The following SMYD3 variants were observed in gnomAD, a reference collection of about 807,000 sequenced individuals.
SMYD3 encodes SET and MYND domain containing 3.
A neutral mutation model predicts 57.7 loss-of-function variants in SMYD3; 36 were observed. The observed-to-expected ratio is 0.62, with a 90% CI of 0.48 to 0.82. The LOEUF (loss-of-function observed/expected upper bound fraction) is 0.82. SMYD3 is among the 40% of genes least tolerant of loss of function. SMYD3 has a pLI of 0.00. For missense variants in SMYD3, 515 were observed against 538.8 expected, an observed-to-expected ratio of 0.96 and a Z score of 0.44; for synonymous variants, 211 against 195.0, an observed-to-expected ratio of 1.08 and a Z score of -0.68.
chr1:246,116,269 T>C, intron 5 of SMYD3, among the ~76,000 whole-genome samples: 1 of 148,484 alleles, frequency 6.7e-6, no homozygotes, highest in South Asian at 2.2e-4. Context: ...TACTGTACCA[T>C]GCTATAAATC....
At chr1:246,470,185 A>G (rs1320554100) in intron 1 of SMYD3, among the ~76,000 whole-genome samples, 1 of 152,180 alleles carries the variant, frequency 6.6e-6, no homozygotes, top group Non-Finnish European at 1.5e-5. Context: ...GAGACATGAC[A>G]ACTACATGTA....
intron 5 of SMYD3, among the ~76,000 whole-genome samples, chr1:246,088,117 C>A (rs2060750708): frequency 6.6e-6 from 1 of 152,140 alleles, no homozygotes; most frequent in African/African-American, 2.4e-5. Context: ...CTGTCCCTAT[C>A]TACAGCGAGC....
intron 8 of SMYD3, among the ~76,000 whole-genome samples, chr1:245,867,249 C>G (rs1174910160): frequency 6.6e-6 from 1 of 152,218 alleles, no homozygotes; most frequent in East Asian, 1.9e-4. Context: ...AGGCAAGGAA[C>G]CAGTCCCCTG....
intron 5 of SMYD3, among the ~76,000 whole-genome samples, chr1:246,232,110 G>A (rs1002832213): frequency 3.6e-4 from 55 of 151,478 alleles, no homozygotes; most frequent in African/African-American, 1.1e-3. Context: ...ATTGAGATTC[G>A]GGAATAATTA....
At chr1:246,217,675 G>A (rs1470579350) in intron 5 of SMYD3, among the ~76,000 whole-genome samples, 1 of 152,042 alleles carries the variant, frequency 6.6e-6, no homozygotes, top group Non-Finnish European at 1.5e-5. Context: ...AGGAATAAGA[G>A]ATTGAAAATA....
chr1:246,077,525 A>G (rs2060567914), intron 5 of SMYD3, among the ~76,000 whole-genome samples: 2 of 124,398 alleles, frequency 1.6e-5, no homozygotes, highest in African/African-American at 8.8e-5. Context: ...ATGAAAGAAT[A>G]ATTTAAAATT....
At chr1:246,028,446 A>T (rs2059614195) in intron 5 of SMYD3, among the ~76,000 whole-genome samples, 1 of 152,194 alleles carries the variant, frequency 6.6e-6, no homozygotes. Flanking sequence ...CGAAGTAGTG[A>T]AAAAAGAAAT....
intron 5 of SMYD3, among the ~76,000 whole-genome samples, chr1:246,229,140 T>C (rs989186439): frequency 6.6e-6 from 1 of 152,294 alleles, no homozygotes; most frequent in African/African-American, 2.4e-5. Flanking sequence ...TAAAATTAAA[T>C]TCATTATAAA....
chr1:246,041,066 C>G (rs770214842), intron 5 of SMYD3, among the ~76,000 whole-genome samples: 5 of 152,146 alleles, frequency 3.3e-5, no homozygotes, highest in South Asian at 4.1e-4. Flanking sequence ...TGTTTAGATA[C>G]ACAAATACTT....
At chr1:246,191,788 C>G (rs909381907) in intron 5 of SMYD3, among the ~76,000 whole-genome samples, 1 of 152,144 alleles carries the variant, frequency 6.6e-6, no homozygotes, top group African/African-American at 2.4e-5. Flanking sequence ...ACTGGATTCT[C>G]GAAGAATCAA....
At chr1:246,246,981 T>C (rs1362458331) in intron 5 of SMYD3, among the ~76,000 whole-genome samples, 4 of 152,210 alleles carry the variant, frequency 2.6e-5, no homozygotes, top group African/African-American at 4.8e-5. Context: ...GTTAGTTATA[T>C]GTTAAAATAC....
At chr1:246,070,441 G>A (rs1308430314) in intron 5 of SMYD3, among the ~76,000 whole-genome samples, 1 of 152,126 alleles carries the variant, frequency 6.6e-6, no homozygotes, top group Non-Finnish European at 1.5e-5. Context: ...AAAATAATGC[G>A]CTTTTAGTTA....
At chr1:246,333,942 A>G (rs2065500183) in intron 3 of SMYD3, among the ~76,000 whole-genome samples, 1 of 152,112 alleles carries the variant, frequency 6.6e-6, no homozygotes, top group Admixed American at 6.5e-5. Flanking sequence ...CTCAAAAGAC[A>G]ACATACAGGT....
At chr1:245,956,909 G>A (rs1304625059) in intron 5 of SMYD3, among the ~76,000 whole-genome samples, 1 of 152,124 alleles carries the variant, frequency 6.6e-6, no homozygotes, top group Admixed American at 6.5e-5. Flanking sequence ...TGCCTTTTTG[G>A]CATATTGGAT....
intron 10 of SMYD3, among the ~76,000 whole-genome samples, chr1:245,792,997 C>T (rs2148192841): frequency 6.6e-6 from 1 of 152,322 alleles, no homozygotes; most frequent in East Asian, 1.9e-4. Context: ...CTGCCCCTTA[C>T]TGCATTTCTA....
intron 8 of SMYD3, among the ~76,000 whole-genome samples, chr1:245,894,447 G>A (rs1218001882): frequency 6.6e-6 from 1 of 151,980 alleles, no homozygotes; most frequent in Non-Finnish European, 1.5e-5. Flanking sequence ...GGAAGCTTTT[G>A]TTTTTTCACT....
At chr1:246,305,334 A>C (rs1363925194) in intron 5 of SMYD3, among the ~76,000 whole-genome samples, 2 of 152,140 alleles carry the variant, frequency 1.3e-5, no homozygotes, top group Non-Finnish European at 2.9e-5. Context: ...AGAAAATCTC[A>C]TTTCAACACA....
intron 5 of SMYD3, among the ~76,000 whole-genome samples, chr1:246,159,471 A>AC (rs1011062737): frequency 1.3e-5 from 2 of 152,126 alleles, no homozygotes; most frequent in Admixed American, 1.3e-4. Context: ...ATAAGTGTTC[A>AC]CTTACATCTG....
At chr1:246,475,025 G>A (rs764185168) in intron 1 of SMYD3, among the ~76,000 whole-genome samples, 3 of 152,172 alleles carry the variant, frequency 2.0e-5, no homozygotes, top group Non-Finnish European at 4.4e-5. Flanking sequence ...GCATTAAAAA[G>A]TTTGTACTTG....
Sources: gnomAD v4.1 joint callset for allele counts (sites outside exome capture counted in the v4.1 genomes callset) on GRCh38, gnomAD v4.1.1 for gene constraint, MANE v1.5 for transcripts, NCBI Gene and HGNC (gene_info 2026-07-23, HGNC 2026-07-21) for gene names.